HECW2: variants seen among roughly 807,000 people sequenced by gnomAD.
HECW2 encodes E3 ubiquitin-protein ligase HECW2.
Under a neutral mutation model 175.2 loss-of-function variants are expected in HECW2, and 61 were observed. The observed-to-expected ratio is 0.35, with a 90% CI of 0.28 to 0.43. HECW2 has a LOEUF of 0.43. HECW2 is among the 20% of genes least tolerant of loss of function. The pLI, the probability that HECW2 is intolerant of heterozygous loss-of-function variation, is 1.00. For missense variants in HECW2, 1,524 were observed against 2,000.5 expected (o/e 0.76, Z 4.54); for synonymous variants, 671 against 731.0 (o/e 0.92, Z 1.32).
intron 1 of HECW2, among the ~76,000 whole-genome samples, chr2:196,584,650 C>T (rs1397528470): frequency 2.0e-5 from 3 of 151,886 alleles, no homozygotes; most frequent in Non-Finnish European, 4.4e-5. Context: ...TTAGCATCCC[C>T]AGTTCTCTAA....
Position 196,570,795 on chromosome 2 carries a change from A to G in HECW2, c.-36+22713T>C, listed in dbSNP as rs1052373529. Among the ~76,000 whole-genome samples, 6 of 152,206 alleles carry G rather than the reference A, an allele frequency of 3.9e-5. No individual in the cohort carries two copies. In the East Asian group the frequency reaches 9.6e-4, roughly 24 times the overall value. Reference sequence around the variant, plus strand: ...CTGATTTTTCTTGAAAAATTGGCATATCTAGCTAGTATCATGGGACAATAA... The same window carrying G: ...CTGATTTTTCTTGAAAAATTGGCATGTCTAGCTAGTATCATGGGACAATAA... On this transcript the variant is annotated intron_variant, in intron 1 of 28. Coordinates refer to ENST00000644978, the MANE Select transcript of HECW2 (RefSeq NM_001348768.2).
chr2:196,334,361 TA>T, intron 4 of HECW2, 62 bp downstream of exon 4: 2 of 1,280,676 alleles, frequency 1.6e-6, no homozygotes, highest in Non-Finnish European at 2.2e-6. Context: ...GCCGCACAGG[TA>T]AAAATAGAAA....
At chr2:196,281,902 A>C (rs1690202683) in intron 14 of HECW2, among the ~76,000 whole-genome samples, 1 of 152,152 alleles carries the variant, frequency 6.6e-6, no homozygotes, top group Non-Finnish European at 1.5e-5. Flanking sequence ...CAAATTAGTT[A>C]AAATTTTTAA....
At chr2:196,309,363 C>A (rs1380832864) in intron 10 of HECW2, among the ~76,000 whole-genome samples, 2 of 152,200 alleles carry the variant, frequency 1.3e-5, no homozygotes, top group African/African-American at 4.8e-5. Flanking sequence ...GCAAACAACT[C>A]AATGCCATTC....
At position 196,319,679 on chromosome 2, in the gene HECW2, G is replaced by A. The variant is rs750964845; in HGVS notation, c.1211C>T (p.Ser404Leu). 1.9e-6 allele frequency: 3 copies of A among 1,614,212 alleles called. No homozygotes were observed. Among genetic ancestry groups the A allele is most frequent in the Non-Finnish European group, 2.5e-6 (3 of 1,180,046 alleles). The change falls in exon 9 of 29, where the codon TCA (serine) becomes TTA (leucine). Residue 404 changes from serine to leucine, a missense_variant. Physicochemically the swap from Ser to Leu is moderately radical, Grantham distance 145. This residue lies in a region of HECW2 where 604 missense variants were observed against 588.3 expected (regional missense o/e 1.03). Coordinates refer to ENST00000644978, the MANE Select transcript of HECW2 (RefSeq NM_001348768.2). ...IDTEELTSTS[S>L]RTSPPRGRQD... is the part of the protein sequence containing the mutation. ...ACGTCCTCTGGGAGGTGAGGTCCTT[G>A]AAGACGTAGAGGTTAATTCCTCTGT...
At chr2:196,544,791 G>A (rs1307945830) in intron 1 of HECW2, among the ~76,000 whole-genome samples, 1 of 152,128 alleles carries the variant, frequency 6.6e-6, no homozygotes, top group Non-Finnish European at 1.5e-5. Flanking sequence ...ACACAATGTG[G>A]TAATCTGTGT....
At chr2:196,426,888 CTTTAT>C (rs1048417152) in intron 2 of HECW2, among the ~76,000 whole-genome samples, 26 of 152,194 alleles carry the variant, frequency 1.7e-4, no homozygotes, top group African/African-American at 6.3e-4. Flanking sequence ...TGCAATCTTA[CTTTAT>C]TTTATTCTCC....
chr2:196,209,817 G>A (rs550272586), intron 28 of HECW2, among the ~76,000 whole-genome samples: 270 of 149,796 alleles, frequency 1.8e-3, no homozygotes, highest in African/African-American at 6.2e-3. Context: ...AGGCTGGAGC[G>A]CAGTGGTGCG....
At chr2:196,438,821 A>T (rs374590877) in intron 1 of HECW2, among the ~76,000 whole-genome samples, 30 of 152,208 alleles carry the variant, frequency 2.0e-4, no homozygotes, top group African/African-American at 6.8e-4. Context: ...GGGGAGGTTG[A>T]CAAGTATCAG....
chr2:196,317,029 T>G (rs1306398541), intron 10 of HECW2: 5 of 449,894 alleles, frequency 1.1e-5, no homozygotes, highest in Non-Finnish European at 2.0e-5. Flanking sequence ...TGGATCTACC[T>G]CCATTATTAT....
At chr2:196,456,536 G>A (rs779996787) in intron 1 of HECW2, among the ~76,000 whole-genome samples, 1 of 152,182 alleles carries the variant, frequency 6.6e-6, no homozygotes, top group Non-Finnish European at 1.5e-5. Flanking sequence ...GGTTGGGGAA[G>A]CTTCACTGCA....
Position 196,549,280 on chromosome 2 carries a change from C to T in HECW2, c.-36+44228G>A, listed in dbSNP as rs570798926. On this transcript the variant is annotated intron_variant, in intron 1 of 28. Coordinates refer to ENST00000644978, the MANE Select transcript of HECW2 (RefSeq NM_001348768.2). The stretch of plus-strand genomic sequence containing the variant: ...GTCAGCAGTCTGGGACCCCTGTATG[C>T]GCTTTCCTGGTCACACTCCCCTCCC... Among the ~76,000 whole-genome samples the T allele has an allele frequency of 1.2e-4, 19 of 152,292 alleles. 1 individual carries two copies. Among genetic ancestry groups the T allele is most frequent in the South Asian group, 4.2e-4 (2 of 4,818 alleles).
chr2:196,564,149 A>C (rs940993895), intron 1 of HECW2, among the ~76,000 whole-genome samples: 5 of 152,208 alleles, frequency 3.3e-5, no homozygotes, highest in African/African-American at 1.2e-4. Context: ...AAAAAAAGTG[A>C]ATCTAAAAAA....
intron 14 of HECW2, among the ~76,000 whole-genome samples, chr2:196,285,949 A>T (rs1317217414): frequency 6.6e-6 from 1 of 152,240 alleles, no homozygotes; most frequent in Non-Finnish European, 1.5e-5. Flanking sequence ...CGGTTAGTAG[A>T]TGTGGACAAG....
intron 1 of HECW2, among the ~76,000 whole-genome samples, chr2:196,475,990 T>A (rs146554019): frequency 1.3e-5 from 2 of 152,208 alleles, no homozygotes; most frequent in African/African-American, 4.8e-5. Flanking sequence ...CTCACCATGT[T>A]CATCTAGCAT....
At chr2:196,540,760 T>A (rs1575653612) in intron 1 of HECW2, among the ~76,000 whole-genome samples, 2 of 152,282 alleles carry the variant, frequency 1.3e-5, no homozygotes, top group South Asian at 4.2e-4. Context: ...TCAAATGTCA[T>A]CTTCTTTTTA....
chr2:196,591,597 T>A (rs1464789286), intron 1 of HECW2, among the ~76,000 whole-genome samples: 1 of 152,198 alleles, frequency 6.6e-6, no homozygotes, highest in East Asian at 1.9e-4. Flanking sequence ...AACGTTACAG[T>A]GTCTCCTTTA....
chr2:196,554,018 T>A (rs560182325), intron 1 of HECW2, among the ~76,000 whole-genome samples: 2 of 152,170 alleles, frequency 1.3e-5, no homozygotes, highest in Non-Finnish European at 2.9e-5. Context: ...CCCTGATATC[T>A]AGGATAGGGC....
chr2:196,496,036 T>C (rs1367545416), intron 1 of HECW2, among the ~76,000 whole-genome samples: 1 of 152,200 alleles, frequency 6.6e-6, no homozygotes, highest in African/African-American at 2.4e-5. Context: ...CATCAGACTT[T>C]TTATTTAAAA....
Sources: gnomAD v4.1 joint callset for allele counts (sites outside exome capture counted in the v4.1 genomes callset) on GRCh38, gnomAD v4.1.1 for gene constraint, gnomAD v4.1.1 regional missense constraint, MANE v1.5 for transcripts, NCBI Gene and HGNC (gene_info 2026-07-23, HGNC 2026-07-21) for gene names.